PCDHGA7: variants seen among roughly 807,000 people sequenced by gnomAD.
The protein encoded by PCDHGA7 is protocadherin gamma subfamily A, 7, also known as protocadherin gamma-A7.
In PCDHGA7, 44 loss-of-function variants were observed where a neutral mutation model predicts 58.3. The ratio of observed to expected loss-of-function variants is 0.75; its 90% confidence interval spans 0.59 to 0.97. The LOEUF is 0.97. PCDHGA7 is among the 50% of genes least tolerant of loss of function. The pLI is 0.00. For synonymous variants in PCDHGA7, 516 were observed against 504.2 expected, an observed-to-expected ratio of 1.02 and a Z score of -0.31; for missense variants, 1,266 against 1,188.7, an observed-to-expected ratio of 1.06 and a Z score of -0.96.
intron 1 of PCDHGA7, among the ~76,000 whole-genome samples, chr5:141,457,968 G>A (rs919621979): frequency 6.6e-6 from 1 of 152,120 alleles, no homozygotes; most frequent in African/African-American, 2.4e-5. Context: ...TTCCTTAAAG[G>A]GAAACACACC....
chr5:141,501,314 C>G, intron 2 of PCDHGA7, among the ~76,000 whole-genome samples: 1 of 151,728 alleles, frequency 6.6e-6, no homozygotes, highest in Non-Finnish European at 1.5e-5. Flanking sequence ...CACACACACA[C>G]ACACACACAC....
Position 141,490,481 on chromosome 5 carries a change from G to A in PCDHGA7, c.2425-4326G>A, listed in dbSNP as rs771164683. 8.7e-6 allele frequency: 14 copies of A among 1,614,060 alleles called. No homozygotes were observed. The highest frequency in any genetic ancestry group is 4.0e-5 in the African/African-American group (3 of 74,928). ...CTGCTAACCAGCCAGCCTTTGGACCGGGAGGCCACATCCCACTATATCATC... is the reference window on the plus strand; with the variant it reads ...CTGCTAACCAGCCAGCCTTTGGACCAGGAGGCCACATCCCACTATATCATC... On this transcript the variant is annotated intron_variant, in intron 1 of 3. Transcript: ENST00000518325. The surrounding 1 kb of genome is among the most constrained non-coding windows in gnomAD (Gnocchi z 5.4).
At position 141,486,637 on chromosome 5, in the gene PCDHGA7, G is replaced by C. The variant is rs761072169; in HGVS notation, c.2425-8170G>C. 28 of 1,613,638 alleles carry C rather than the reference G, an allele frequency of 1.7e-5. No homozygotes were observed. The highest frequency in any genetic ancestry group is 1.1e-5 in the Non-Finnish European group (13 of 1,180,034). ...CTGACCCAGACTCTGGCTTGAATGC[G>C]CTTATCTCCTACTCACTCCTGGAGC... On this transcript the variant is annotated intron_variant, in intron 1 of 3. Transcript: ENST00000518325. This position sits in a 1 kb window ranked among gnomAD's most constrained non-coding sequence, Gnocchi z 5.0.
chr5:141,485,446 C>A lies in PCDHGA7; in HGVS notation c.2425-9361C>A. On this transcript the variant is annotated intron_variant, in intron 1 of 3. Transcript: ENST00000518325. This position sits in a 1 kb window ranked among gnomAD's most constrained non-coding sequence, Gnocchi z 5.7. ...CCCTGCTCATCAAGAACCCAATCGA[C>A]CGAGAGGCACTGTGTGGGCTCAGTG... is the stretch of plus-strand genomic sequence containing the variant. 6.2e-7 allele frequency: 1 copy of A among 1,614,156 alleles called. No individual in the cohort carries two copies. The highest frequency in any genetic ancestry group is 8.5e-7 in the Non-Finnish European group (1 of 1,180,018).
At chr5:141,413,357 G>C in intron 1 of PCDHGA7, 1 of 1,613,992 alleles carries the variant, frequency 6.2e-7, no homozygotes, top group Non-Finnish European at 8.5e-7. Context: ...CTGGCGCCCC[G>C]GGAGCTGGCG....
intron 1 of PCDHGA7, chr5:141,393,947 G>T: frequency 6.2e-7 from 1 of 1,613,972 alleles, no homozygotes; most frequent in Non-Finnish European, 8.5e-7. Context: ...ACTCTGGAAA[G>T]AATGGTCAAG....
chr5:141,485,466 T>C lies in PCDHGA7; in HGVS notation c.2425-9341T>C, dbSNP rs1485922901. ...ATCGACCGAGAGGCACTGTGTGGGC[T>C]CAGTGCCAGCTGCATCGTGCCCCTG... On this transcript the variant is annotated intron_variant, in intron 1 of 3. Transcript: ENST00000518325. The surrounding 1 kb of genome is among the most constrained non-coding windows in gnomAD (Gnocchi z 5.7). 6.2e-7 allele frequency: 1 copy of C among 1,613,868 alleles called. No individual in the cohort carries two copies. Among genetic ancestry groups the C allele is most frequent in the Non-Finnish European group, 8.5e-7 (1 of 1,179,924 alleles).
At position 141,493,887 on chromosome 5, in the gene PCDHGA7, G is replaced by C. The variant is rs760575047; in HGVS notation, c.2425-920G>C. On this transcript the variant is annotated intron_variant, in intron 1 of 3. Transcript: ENST00000518325. This position sits in a 1 kb window ranked among gnomAD's most constrained non-coding sequence, Gnocchi z 4.3. Reference sequence around the variant, plus strand: ...AGAACCAGTGAGGAGGTGGCTCTAGGAGTGCTCCATGAGAGTGTGTGATGG... The same window carrying C: ...AGAACCAGTGAGGAGGTGGCTCTAGCAGTGCTCCATGAGAGTGTGTGATGG... Among the ~76,000 whole-genome samples, 11 of 152,184 alleles carry C rather than the reference G, an allele frequency of 7.2e-5. No homozygotes were observed. Among genetic ancestry groups the C allele is most frequent in the Non-Finnish European group, 1.2e-4 (8 of 68,026 alleles).
intron 1 of PCDHGA7, chr5:141,419,588 A>C: frequency 6.2e-7 from 1 of 1,611,830 alleles, no homozygotes; most frequent in Non-Finnish European, 8.5e-7. Flanking sequence ...GCTCTTCGAC[A>C]CAGTGCCGCG....
chr5:141,483,213 C>T (rs1343903817), intron 1 of PCDHGA7, among the ~76,000 whole-genome samples: 1 of 152,142 alleles, frequency 6.6e-6, no homozygotes, highest in Non-Finnish European at 1.5e-5. Flanking sequence ...ATATAGATGA[C>T]AGTCACTGCA....
chr5:141,443,166 C>T (rs914863821), intron 1 of PCDHGA7, among the ~76,000 whole-genome samples: 2 of 152,124 alleles, frequency 1.3e-5, no homozygotes, highest in African/African-American at 4.8e-5. Context: ...ATTTCCCTAC[C>T]CATGTCCACT....
intron 1 of PCDHGA7, chr5:141,414,754 G>A: frequency 6.2e-7 from 1 of 1,614,190 alleles, no homozygotes; most frequent in Non-Finnish European, 8.5e-7. Flanking sequence ...CTTCGACTAT[G>A]AGCAGTTTCA....
chr5:141,394,535 C>T, intron 1 of PCDHGA7: 1 of 1,614,210 alleles, frequency 6.2e-7, no homozygotes, highest in Non-Finnish European at 8.5e-7. Flanking sequence ...GTTCCACTGG[C>T]GTGGAGCTGG....
At chr5:141,399,183 T>A (rs777520935) in intron 1 of PCDHGA7, 4 of 1,613,764 alleles carry the variant, frequency 2.5e-6, no homozygotes, top group Non-Finnish European at 3.4e-6. Context: ...TTGAAATGAT[T>A]CTGGAAAACG....
chr5:141,403,390 G>C (rs1471861396), intron 1 of PCDHGA7: 2 of 1,613,920 alleles, frequency 1.2e-6, no homozygotes, highest in Admixed American at 1.7e-5. Flanking sequence ...ACGAAATCGC[G>C]GTTCCTGGAG....
rs1014758036 is a variant in PCDHGA7 at position 141,486,472 on chromosome 5, T to C, written c.2425-8335T>C. The C allele has an allele frequency of 6.2e-7, 1 of 1,614,032 alleles. No homozygotes were observed. Among genetic ancestry groups the C allele is most frequent in the Non-Finnish European group, 8.5e-7 (1 of 1,179,862 alleles). ...TCACTGCTTCTGATGCTGGGAACCC[T>C]CCTCTCAGTACCCACAGAACTATTT... On this transcript the variant is annotated intron_variant, in intron 1 of 3. Coordinates refer to ENST00000518325, the MANE Select transcript of PCDHGA7 (RefSeq NM_018920.4). This position sits in a 1 kb window ranked among gnomAD's most constrained non-coding sequence, Gnocchi z 5.0.
At chr5:141,419,411 C>T (rs757881409) in intron 1 of PCDHGA7, 7 of 1,613,344 alleles carry the variant, frequency 4.3e-6, no homozygotes, top group Non-Finnish European at 5.9e-6. Flanking sequence ...GTTCGCGCAG[C>T]GCGCCTTCGA....
At chr5:141,436,588 G>A (rs1182294845) in intron 1 of PCDHGA7, among the ~76,000 whole-genome samples, 3 of 152,138 alleles carry the variant, frequency 2.0e-5, no homozygotes, top group Non-Finnish European at 2.9e-5. Context: ...AATTTGAAAG[G>A]TCGTGGTGAT....
intron 2 of PCDHGA7, among the ~76,000 whole-genome samples, chr5:141,504,997 AC>A (rs554150488): frequency 9.9e-5 from 15 of 152,238 alleles, no homozygotes; most frequent in African/African-American, 2.9e-4. Flanking sequence ...CCCCGTCTGT[AC>A]TAAAAATACA....
Sources: gnomAD v4.1 joint callset for allele counts (sites outside exome capture counted in the v4.1 genomes callset) on GRCh38, gnomAD v4.1.1 for gene constraint, Gnocchi (gnomAD v3.1) non-coding constraint, MANE v1.5 for transcripts, NCBI Gene and HGNC (gene_info 2026-07-23, HGNC 2026-07-21) for gene names.